The following CHRM5 variants were observed in gnomAD, a reference collection of about 807,000 sequenced individuals.
CHRM5 encodes cholinergic receptor muscarinic 5.
CHRM5 carries 18 observed loss-of-function variants against 39.0 expected under a neutral mutation model. The ratio of observed to expected loss-of-function variants is 0.46; its 90% confidence interval spans 0.32 to 0.68. CHRM5 has a LOEUF of 0.68. CHRM5 is among the 30% of genes least tolerant of loss of function. The probability of loss-of-function intolerance (pLI) is 0.04; values close to 1 mark genes in which losing one functional copy is unlikely to be tolerated. For synonymous variants in CHRM5, 241 were observed against 246.3 expected (o/e 0.98, Z 0.20); for missense variants, 515 against 651.1 (o/e 0.79, Z 2.28).
intron 1 of CHRM5, among the ~76,000 whole-genome samples, chr15:33,993,485 A>T (rs1896810392): frequency 6.6e-6 from 1 of 152,194 alleles, no homozygotes; most frequent in African/African-American, 2.4e-5. Flanking sequence ...GCACAAGTGG[A>T]AGGAGGCAGG....
At chr15:33,994,662 G>A (rs538459237) in intron 1 of CHRM5, among the ~76,000 whole-genome samples, 1 of 152,138 alleles carries the variant, frequency 6.6e-6, no homozygotes, top group Non-Finnish European at 1.5e-5. Context: ...AGTGAGCATC[G>A]ACATATACAT....
chr15:33,991,795 G>A (rs1032017484), intron 1 of CHRM5: 1 of 152,046 alleles, frequency 6.6e-6, no homozygotes, highest in Admixed American at 6.6e-5. Context: ...AGACAGAAAG[G>A]TAGAAAAAGA....
At chr15:34,048,442 GCT>G (rs1567488190) in intron 2 of CHRM5, among the ~76,000 whole-genome samples, 1 of 150,754 alleles carries the variant, frequency 6.6e-6, no homozygotes, top group African/African-American at 2.4e-5. Context: ...TCATGGCCAG[GCT>G]GCTTCTTTAA....
Position 34,020,771 on chromosome 15 carries a change from C to T in CHRM5, c.-407-25769C>T, listed in dbSNP as rs550557650. 3.9e-5 allele frequency among the ~76,000 whole-genome samples: 6 copies of T among 152,264 alleles called. No individual in the cohort carries two copies. The South Asian group carries it at 6.2e-4, about 16-fold the overall frequency. On this transcript the variant is annotated intron_variant, in intron 1 of 2. Coordinates refer to ENST00000383263, the MANE Select transcript of CHRM5 (RefSeq NM_012125.4). ...TGAAATTAGGCCAAATTTCGTAAGA[C>T]ACAAGATATAATCTCCACATAACTT...
chr15:33,994,247 G>A (rs1896846774), intron 1 of CHRM5, among the ~76,000 whole-genome samples: 1 of 152,188 alleles, frequency 6.6e-6, no homozygotes, highest in African/African-American at 2.4e-5. Flanking sequence ...ATTCTCATAG[G>A]AGCCAAACCC....
rs546766465 is a variant in CHRM5, at chr15:33,969,066, A to G, written c.-492A>G. 91 of 152,250 alleles carry G rather than the reference A, an allele frequency of 6.0e-4. No individual in the cohort carries two copies. Among genetic ancestry groups the G allele is most frequent in the African/African-American group, 2.1e-3 (86 of 41,580 alleles). The allele number at this position is 152,250 out of a possible 1,614,324, so 9.4% of individuals were successfully genotyped here. On this transcript the variant is annotated 5_prime_UTR_variant, in exon 1 of 3. Transcript: ENST00000383263. ...CACTGGCAAAATAAAACATGAAAGG[A>G]AAGTAGAGAAGGCATTTTGGGTCTC...
chr15:34,021,504 G>A (rs1898198156), intron 1 of CHRM5, among the ~76,000 whole-genome samples: 1 of 151,988 alleles, frequency 6.6e-6, no homozygotes, highest in Non-Finnish European at 1.5e-5. Flanking sequence ...AGGCTGGTCT[G>A]GAACTCCTGA....
intron 1 of CHRM5, among the ~76,000 whole-genome samples, chr15:34,043,721 A>G (rs1899574388): frequency 6.6e-6 from 1 of 152,238 alleles, no homozygotes; most frequent in Admixed American, 6.5e-5. Flanking sequence ...GCAAACTCCC[A>G]AAATACAGAA....
intron 1 of CHRM5, among the ~76,000 whole-genome samples, chr15:33,992,522 G>A (rs1402663147): frequency 6.6e-6 from 1 of 152,030 alleles, no homozygotes; most frequent in East Asian, 1.9e-4. Context: ...TTTTAGCCCT[G>A]TCAGCCAGAA....
chr15:34,001,871 A>G (rs1231507646), intron 1 of CHRM5, among the ~76,000 whole-genome samples: 1 of 152,244 alleles, frequency 6.6e-6, no homozygotes, highest in African/African-American at 2.4e-5. Context: ...AGGTAGAACT[A>G]AACAGCAACA....
Position 34,063,063 on chromosome 15 carries a change from G to A in CHRM5, c.346G>A (p.Ala116Thr), listed in dbSNP as rs1211891263. 10 of 1,614,052 alleles carry A rather than the reference G, an allele frequency of 6.2e-6. No homozygotes were observed. In the East Asian group the frequency reaches 8.9e-5, roughly 14 times the overall value. Residue 116 changes from alanine to threonine, a missense_variant, in exon 3 of 3, where the codon GCT becomes ACT. Coordinates refer to ENST00000383263, the MANE Select transcript of CHRM5 (RefSeq NM_012125.4). This position sits in a 1 kb window ranked among gnomAD's most constrained non-coding sequence, Gnocchi z 4.1. ...WLALDYVASNASVMNLLVISF... is the reference protein window; with the variant it reads ...WLALDYVASNTSVMNLLVISF... ...TGCACTGGACTACGTGGCCAGCAAC[G>A]CTTCTGTCATGAACCTTCTGGTGAT... is the stretch of plus-strand genomic sequence containing the variant.
Position 33,977,295 on chromosome 15 carries a change from T to C in CHRM5, c.-408+8145T>C, listed in dbSNP as rs140921631. On this transcript the variant is annotated intron_variant, in intron 1 of 2. Transcript: ENST00000383263. ...AATACTCTTACTCTAAGACACTTTTTCTCATATATTGGTAGGATAGAAAGA... is the reference window on the plus strand; with the variant it reads ...AATACTCTTACTCTAAGACACTTTTCCTCATATATTGGTAGGATAGAAAGA... Among the ~76,000 whole-genome samples the C allele has an allele frequency of 4.5e-3, 683 of 152,308 alleles. 9 individuals are homozygous for C. Among genetic ancestry groups the C allele is most frequent in the African/African-American group, 0.015 (636 of 41,558 alleles).
intron 2 of CHRM5, among the ~76,000 whole-genome samples, chr15:34,049,621 G>C (rs1381283209): frequency 6.6e-6 from 1 of 152,122 alleles, no homozygotes; most frequent in African/African-American, 2.4e-5. Context: ...CAGGATATCA[G>C]TCAGGAGAAT....
intron 1 of CHRM5, among the ~76,000 whole-genome samples, chr15:34,035,636 G>A (rs1322062533): frequency 6.6e-6 from 1 of 152,090 alleles, no homozygotes; most frequent in Non-Finnish European, 1.5e-5. Flanking sequence ...CTCGACAAAT[G>A]TGAATTACTG....
chr15:33,973,552 A>G (rs1235296231), intron 1 of CHRM5, among the ~76,000 whole-genome samples: 1 of 152,156 alleles, frequency 6.6e-6, no homozygotes, highest in East Asian at 1.9e-4. Flanking sequence ...GTTAGATTCC[A>G]TTGAAAACCT....
rs1240805058 is a variant in CHRM5 at position 33,968,848 on chromosome 15, A to G, written c.-710A>G. 3.9e-5 allele frequency: 6 copies of G among 152,098 alleles called. No individual in the cohort carries two copies. The highest frequency in any genetic ancestry group is 2.1e-4 in the South Asian group (1 of 4,832). 9.4% of individuals were successfully genotyped at this position (152,098 alleles called of 1,614,324 possible). The stretch of plus-strand genomic sequence containing the variant: ...GGATTTCTCATTGCTGAAGCATTCA[A>G]TGAATCTTTAATAAGTTCTCAACAC... On this transcript the variant is annotated 5_prime_UTR_variant, in exon 1 of 3. It removes an upstream start codon present in the reference 5' UTR. Transcript: ENST00000383263.
chr15:34,039,160 A>G, intron 1 of CHRM5: 1 of 914,906 alleles, frequency 1.1e-6, no homozygotes, highest in Non-Finnish European at 1.3e-6. Context: ...GCCCGGTAGC[A>G]GCGAGGCGCG....
chr15:33,997,334 C>T (rs1351726843), intron 1 of CHRM5, among the ~76,000 whole-genome samples: 1 of 151,852 alleles, frequency 6.6e-6, no homozygotes, highest in Non-Finnish European at 1.5e-5. Context: ...CAATAAGAAA[C>T]AAAATAGCCA....
chr15:33,968,732 T>C lies in CHRM5; in HGVS notation c.-826T>C, dbSNP rs1895496976. On this transcript the variant is annotated 5_prime_UTR_variant, in exon 1 of 3. Coordinates refer to ENST00000383263, the MANE Select transcript of CHRM5 (RefSeq NM_012125.4). The stretch of plus-strand genomic sequence containing the variant: ...CATGCTTCTAGTCCAGATAATGTTT[T>C]TTAAAGCAGCTTGATTTGGAAGCGT... The C allele has an allele frequency of 2.0e-5, 3 of 152,148 alleles. No individual in the cohort carries two copies. Among genetic ancestry groups the C allele is most frequent in the Admixed American group, 2.0e-4 (3 of 15,268 alleles). The allele number at this position is 152,148 out of a possible 1,614,324, so 9.4% of individuals were successfully genotyped here.
Sources: gnomAD v4.1 joint callset for allele counts (sites outside exome capture counted in the v4.1 genomes callset) on GRCh38, gnomAD v4.1.1 for gene constraint, Gnocchi (gnomAD v3.1) non-coding constraint, MANE v1.5 for transcripts, NCBI Gene and HGNC (gene_info 2026-07-23, HGNC 2026-07-21) for gene names.